The following EBF3 variants were observed in gnomAD, a reference collection of about 807,000 sequenced individuals.
EBF3 encodes transcription factor COE3.
Under a neutral mutation model 77.1 loss-of-function variants are expected in EBF3, and 18 were observed. The ratio of observed to expected loss-of-function variants is 0.23; its 90% confidence interval spans 0.16 to 0.35. The LOEUF (loss-of-function observed/expected upper bound fraction) is 0.35, where lower values mean the gene tolerates loss of function less well. Among genes scored for constraint, EBF3 ranks in the 10% least tolerant of loss-of-function variants. The probability of loss-of-function intolerance (pLI) is 1.00; values close to 1 mark genes in which losing one functional copy is unlikely to be tolerated. For synonymous variants in EBF3, 350 were observed against 343.5 expected (o/e 1.02, Z -0.21); for missense variants, 558 against 860.0 (o/e 0.65, Z 4.39).
At chr10:129,896,619 C>T (rs1454078712) in intron 6 of EBF3, among the ~76,000 whole-genome samples, 1 of 152,230 alleles carries the variant, frequency 6.6e-6, no homozygotes, top group African/African-American at 2.4e-5. Flanking sequence ...TCCTGGCGAG[C>T]CTCCCGGAGG....
In EBF3 at chr10:129,947,821, C is replaced by T. The variant is rs1331911135; in HGVS notation, c.554+9437G>A. ...GTGAAGGATTTCACTTCTAAAACAC[C>T]AAGACACTGAAAGGAAGGAAGCAGA... is the stretch of plus-strand genomic sequence containing the variant. On this transcript the variant is annotated intron_variant, in intron 6 of 16. Coordinates refer to ENST00000440978, the MANE Select transcript of EBF3 (RefSeq NM_001375380.1). This position sits in a 1 kb window ranked among gnomAD's most constrained non-coding sequence, Gnocchi z 4.5. Among the ~76,000 whole-genome samples the T allele has an allele frequency of 2.6e-5, 4 of 151,638 alleles. No homozygotes were observed. The highest frequency in any genetic ancestry group is 9.7e-5 in the African/African-American group (4 of 41,256).
chr10:129,848,922 G>T lies in EBF3; in HGVS notation c.1040-442C>A, dbSNP rs1398828548. 6.6e-6 allele frequency among the ~76,000 whole-genome samples: 1 copy of T among 152,148 alleles called. No individual in the cohort carries two copies. Among genetic ancestry groups the T allele is most frequent in the Non-Finnish European group, 1.5e-5 (1 of 68,026 alleles). On this transcript the variant is annotated intron_variant, in intron 10 of 16. Coordinates refer to ENST00000440978, the MANE Select transcript of EBF3 (RefSeq NM_001375380.1). The surrounding 1 kb of genome is among the most constrained non-coding windows in gnomAD (Gnocchi z 4.4). ...GTGGTCCTTTTTTGTCTAGCATATT[G>T]CCTGAGCACAAACCAGGCAGGAGGA...
In EBF3 at chr10:129,842,132, T is replaced by C; in HGVS notation, c.1356A>G (p.Ser452=). The change falls in exon 13 of 17, where the codon TCA becomes TCG. Residue 452 remains serine, a synonymous_variant. Transcript: ENST00000440978. The surrounding 1 kb of genome is among the most constrained non-coding windows in gnomAD (Gnocchi z 4.4). ...SQLAVNVSET[S]QANDQVGYSR... The stretch of plus-strand genomic sequence containing the variant: ...CTGGCATACCTTGGTCGTTGGCTTG[T>C]GACGTCTCTGACACGTTGACGGCTA... 6.2e-7 allele frequency: 1 copy of C among 1,614,240 alleles called. No homozygotes were observed. The highest frequency in any genetic ancestry group is 8.5e-7 in the Non-Finnish European group (1 of 1,180,036).
intron 6 of EBF3, among the ~76,000 whole-genome samples, chr10:129,930,958 A>G (rs542216021): frequency 6.9e-6 from 1 of 144,854 alleles, no homozygotes; most frequent in South Asian, 2.2e-4. Context: ...TTATATTAAC[A>G]AATCCCCCTC....
At chr10:129,849,607 C>G (rs994167270) in intron 10 of EBF3, among the ~76,000 whole-genome samples, 1 of 152,180 alleles carries the variant, frequency 6.6e-6, no homozygotes, top group African/African-American at 2.4e-5. Context: ...TGGGCGTCGG[C>G]GCATCTTGTA....
intron 6 of EBF3, among the ~76,000 whole-genome samples, chr10:129,883,923 C>G (rs1853387195): frequency 6.6e-6 from 1 of 152,202 alleles, no homozygotes. Flanking sequence ...GTTATGCCAA[C>G]ATCACTTCAG....
At chr10:129,895,719 T>C (rs1276944299) in intron 6 of EBF3, among the ~76,000 whole-genome samples, 30 of 152,176 alleles carry the variant, frequency 2.0e-4, no homozygotes, top group Admixed American at 1.6e-3. Context: ...ACAAATAAAC[T>C]TGTATCGATA....
chr10:129,840,499 A>C lies in EBF3; in HGVS notation c.1562-57T>G, dbSNP rs925653558. 3.3e-6 allele frequency: 5 copies of C among 1,519,600 alleles called. No homozygotes were observed. In the African/African-American group the frequency reaches 6.9e-5, roughly 21 times the overall value. The allele number at this position is 1,519,600 out of a possible 1,614,324, so 94.1% of individuals were successfully genotyped here. A position where few individuals can be genotyped will look rare whatever the true frequency, so the allele number is the denominator to read the frequency against. ...GGCCGCGGCACAGCGCCACGGCGAG[A>C]GGGCACCAAAGGCCTCGCCTCGGAC... On this transcript the variant is annotated intron_variant, in intron 14 of 16. Coordinates refer to ENST00000440978, the MANE Select transcript of EBF3 (RefSeq NM_001375380.1).
chr10:129,912,310 A>C (rs1444881415), intron 6 of EBF3, among the ~76,000 whole-genome samples: 1 of 152,100 alleles, frequency 6.6e-6, no homozygotes, highest in Non-Finnish European at 1.5e-5. Context: ...TTACATCCTT[A>C]CCAGGCGCTT....
chr10:129,903,763 G>A (rs923656715), intron 6 of EBF3, among the ~76,000 whole-genome samples: 1 of 152,148 alleles, frequency 6.6e-6, no homozygotes, highest in African/African-American at 2.4e-5. Flanking sequence ...GTCATGGGGA[G>A]TCCATGACCC....
At chr10:129,926,935 C>T (rs1042582517) in intron 6 of EBF3, among the ~76,000 whole-genome samples, 2 of 152,182 alleles carry the variant, frequency 1.3e-5, no homozygotes, top group African/African-American at 4.8e-5. Flanking sequence ...GCAAGGTGGG[C>T]AAGGTGCCGA....
chr10:129,858,914 T>A (rs1851433256), intron 10 of EBF3, among the ~76,000 whole-genome samples: 1 of 152,124 alleles, frequency 6.6e-6, no homozygotes, highest in South Asian at 2.1e-4. Context: ...TCTAAGAAAC[T>A]TTCCTCCCAA....
chr10:129,939,732 C>A (rs1191362471), intron 6 of EBF3, among the ~76,000 whole-genome samples: 3 of 152,260 alleles, frequency 2.0e-5, no homozygotes, highest in Non-Finnish European at 4.4e-5. Flanking sequence ...AGAATTCCCA[C>A]GTGGAACCAG....
At position 129,863,566 on chromosome 10, in the gene EBF3, G is replaced by A. The variant is rs1851787249; in HGVS notation, c.1039+3575C>T. Reference sequence around the variant, plus strand: ...GCCCTCCGCCTGGCGGCCCCAGCCGGCCTCACGTGGGGAAGGTTAAATGTG... The same window carrying A: ...GCCCTCCGCCTGGCGGCCCCAGCCGACCTCACGTGGGGAAGGTTAAATGTG... On this transcript the variant is annotated intron_variant, in intron 10 of 16. Transcript: ENST00000440978. This position sits in a 1 kb window ranked among gnomAD's most constrained non-coding sequence, Gnocchi z 4.0. Among the ~76,000 whole-genome samples the A allele has an allele frequency of 6.6e-6, 1 of 152,198 alleles. No homozygotes were observed. The highest frequency in any genetic ancestry group is 1.5e-5 in the Non-Finnish European group (1 of 68,040).
At chr10:129,869,896 G>A (rs189884743) in intron 8 of EBF3, among the ~76,000 whole-genome samples, 72 of 152,250 alleles carry the variant, frequency 4.7e-4, no homozygotes, top group African/African-American at 1.6e-3. Context: ...TTAATTGCAT[G>A]GAGAGCATTT....
Position 129,943,593 on chromosome 10 carries a change from G to A in EBF3, c.554+13665C>T, listed in dbSNP as rs74162532. Among the ~76,000 whole-genome samples the A allele has an allele frequency of 0.021, 3,200 of 152,248 alleles. 45 individuals are homozygous for A. The highest frequency in any genetic ancestry group is 0.035 in the African/African-American group (1,444 of 41,542). ...AAGTGGTTGCCAGGAGTCGCCAGCC[G>A]GGCTTGGGAACAAGACAGGTCCCCG... On this transcript the variant is annotated intron_variant, in intron 6 of 16. Coordinates refer to ENST00000440978, the MANE Select transcript of EBF3 (RefSeq NM_001375380.1). The surrounding 1 kb of genome is among the most constrained non-coding windows in gnomAD (Gnocchi z 8.8).
In EBF3 at chr10:129,881,122, CTT is replaced by C. The variant is rs756759357; in HGVS notation, c.555-3275_555-3274del. Among the ~76,000 whole-genome samples, 11 of 152,178 alleles carry C rather than the reference CTT, an allele frequency of 7.2e-5. 2 individuals are homozygous for C. Among genetic ancestry groups the C allele is most frequent in the East Asian group, 5.8e-4 (3 of 5,192 alleles). ...TCTGGTACACAAAGAATTTAATACT[CTT>C]GTTATGAAAGGAAAAATCTTTCCTA... is the stretch of plus-strand genomic sequence containing the variant. On this transcript the variant is annotated intron_variant, in intron 6 of 16. Coordinates refer to ENST00000440978, the MANE Select transcript of EBF3 (RefSeq NM_001375380.1).
Position 129,837,748 on chromosome 10 carries a change from T to C in EBF3, c.*195A>G, listed in dbSNP as rs1849696278. The C allele has an allele frequency of 3.1e-6, 2 of 639,886 alleles. No homozygotes were observed. The highest frequency in any genetic ancestry group is 5.4e-6 in the Non-Finnish European group (2 of 370,036). 39.6% of individuals were successfully genotyped at this position (639,886 alleles called of 1,614,324 possible). On this transcript the variant is annotated 3_prime_UTR_variant, in exon 17 of 17. Coordinates refer to ENST00000440978, the MANE Select transcript of EBF3 (RefSeq NM_001375380.1). ...TGGAATTGTTCATGAAGAAGTAGGC[T>C]GTTTGCATGTTGATTCTTAATAGTT... is the stretch of plus-strand genomic sequence containing the variant.
At chr10:129,884,609 A>G (rs1853441183) in intron 6 of EBF3, among the ~76,000 whole-genome samples, 1 of 152,208 alleles carries the variant, frequency 6.6e-6, no homozygotes. Context: ...GAAGGGGCAG[A>G]GGGCGGCAAG....
Sources: gnomAD v4.1 joint callset for allele counts (sites outside exome capture counted in the v4.1 genomes callset) on GRCh38, gnomAD v4.1.1 for gene constraint, Gnocchi (gnomAD v3.1) non-coding constraint, MANE v1.5 for transcripts, NCBI Gene and HGNC (gene_info 2026-07-23, HGNC 2026-07-21) for gene names.